The following ARID2 variants were observed in gnomAD, a reference collection of about 807,000 sequenced individuals.
The protein encoded by ARID2 is AT-rich interactive domain-containing protein 2.
In ARID2, 32 loss-of-function variants were observed where a neutral mutation model predicts 184.6. The ratio of observed to expected loss-of-function variants is 0.17; its 90% confidence interval spans 0.13 to 0.23. ARID2 has a LOEUF of 0.23. ARID2 is among the 10% of genes least tolerant of loss of function. The probability of loss-of-function intolerance (pLI) is 1.00; values close to 1 mark genes in which losing one functional copy is unlikely to be tolerated. For missense variants in ARID2, 1,696 were observed against 2,197.6 expected (o/e 0.77, Z 4.56); for synonymous variants, 836 against 772.6 (o/e 1.08, Z -1.36).
chr12:45,836,983 G>T lies in ARID2; in HGVS notation c.1015G>T (p.Ala339Ser), dbSNP rs2138128649. ...QLGLDTLGNI[A>S]AELLLDPVDF... The stretch of plus-strand genomic sequence containing the variant: ...AGGCCTTGACACATTAGGAAATATT[G>T]CAGCTGAGGTAAGCATGTGACTGTA... The change falls in exon 8 of 21, where the codon GCA becomes TCA. Residue 339 changes from alanine to serine, a missense_variant. Transcript: ENST00000334344. 6.2e-7 allele frequency: 1 copy of T among 1,613,452 alleles called. No individual in the cohort carries two copies.
chr12:45,811,202 C>G (rs1229923462), intron 3 of ARID2, among the ~76,000 whole-genome samples: 1 of 146,774 alleles, frequency 6.8e-6, no homozygotes, highest in African/African-American at 2.5e-5. Flanking sequence ...GAGCGAGACT[C>G]TGTCTCAAAA....
chr12:45,811,268 G>A (rs1296597852), intron 3 of ARID2, 150 bp from the exon 4 acceptor site: 19 of 777,300 alleles, frequency 2.4e-5, no homozygotes, highest in African/African-American at 7.1e-5. Context: ...ACTCTAAACT[G>A]GAGTTACTGT....
At position 45,855,092 on chromosome 12, in the gene ARID2, T is replaced by C. The variant is rs566935863; in HGVS notation, c.4773+2196T>C. 9.2e-5 allele frequency among the ~76,000 whole-genome samples: 14 copies of C among 152,330 alleles called. No homozygotes were observed. The East Asian group carries it at 2.1e-3, about 23-fold the overall frequency. On this transcript the variant is annotated intron_variant, in intron 15 of 20. Transcript: ENST00000334344. ...AATCTAACATATTGATTATTTGAGC[T>C]GTTGTGTTAGAGGATGTTCTATTAA...
rs747148743 is a variant in ARID2, at chr12:45,892,111, T to C, written c.5147+15T>C. Reference sequence around the variant, plus strand: ...TCTTCTACCAAGTAAGGAAAATGAGTTTACTTCCTGTTGTACATACAAAAA... The same window carrying C: ...TCTTCTACCAAGTAAGGAAAATGAGCTTACTTCCTGTTGTACATACAAAAA... On this transcript the variant is annotated intron_variant, in intron 18 of 20. Coordinates refer to ENST00000334344, the MANE Select transcript of ARID2 (RefSeq NM_152641.4). 6.2e-7 allele frequency: 1 copy of C among 1,609,560 alleles called. No individual in the cohort carries two copies. Among genetic ancestry groups the C allele is most frequent in the South Asian group, 1.1e-5 (1 of 90,344 alleles).
intron 3 of ARID2, among the ~76,000 whole-genome samples, chr12:45,801,387 A>G (rs1942499811): frequency 6.6e-6 from 1 of 152,202 alleles, no homozygotes; most frequent in Non-Finnish European, 1.5e-5. Flanking sequence ...AATGGATGCT[A>G]AAACTAGCAG....
chr12:45,900,283 A>G (rs1406118169), intron 20 of ARID2, among the ~76,000 whole-genome samples: 1 of 151,982 alleles, frequency 6.6e-6, no homozygotes, highest in Non-Finnish European at 1.5e-5. Flanking sequence ...CTGGTCCTCA[A>G]TTCCTGACCT....
At chr12:45,808,747 GTGTGTGTGTGTGTA>G (rs958753375) in intron 3 of ARID2, among the ~76,000 whole-genome samples, 2 of 151,786 alleles carry the variant, frequency 1.3e-5, no homozygotes, top group Non-Finnish European at 2.9e-5. Context: ...GTGTGTGTGT[GTGTGTGTGTGTGTA>G]TGTGTGTGTG....
chr12:45,798,185 ATAGTT>A (rs1457269066), intron 3 of ARID2, among the ~76,000 whole-genome samples: 2 of 151,108 alleles, frequency 1.3e-5, no homozygotes, highest in Non-Finnish European at 2.9e-5. Context: ...ATCTAAAACA[ATAGTT>A]TATTATTGTT....
intron 16 of ARID2, among the ~76,000 whole-genome samples, chr12:45,880,192 G>T (rs941991114): frequency 1.3e-5 from 2 of 152,134 alleles, no homozygotes; most frequent in Non-Finnish European, 2.9e-5. Flanking sequence ...GCTACAGAAA[G>T]ATGAAAATTA....
In ARID2 at chr12:45,893,435, G is replaced by A. The variant is rs900772083; in HGVS notation, c.5163G>A (p.Gly1721=). ...QKSSTKQPTV[G]GTSSTPRAQK... ...ATCAATTTAGGCAGCCAACTGTAGG[G>A]GGCACAAGCTCAACTCCTAGAGCAC... The change falls in exon 19 of 21, where the codon GGG becomes GGA. Residue 1721 remains glycine (G), a synonymous_variant. Coordinates refer to ENST00000334344, the MANE Select transcript of ARID2 (RefSeq NM_152641.4). 6.2e-7 allele frequency: 1 copy of A among 1,613,296 alleles called. No homozygotes were observed. Among genetic ancestry groups the A allele is most frequent in the African/African-American group, 1.3e-5 (1 of 74,954 alleles).
At chr12:45,778,691 A>T (rs1301119481) in intron 3 of ARID2, among the ~76,000 whole-genome samples, 1 of 151,980 alleles carries the variant, frequency 6.6e-6, no homozygotes, top group Non-Finnish European at 1.5e-5. Context: ...TTAAATTTTT[A>T]AATAAATGAC....
At chr12:45,776,130 C>T (rs1203283031) in intron 3 of ARID2, 1 of 167,820 alleles carries the variant, frequency 6.0e-6, no homozygotes, top group East Asian at 1.9e-4. Context: ...ACTGAGGTTC[C>T]CCAGACCAGC....
intron 6 of ARID2, among the ~76,000 whole-genome samples, chr12:45,834,622 A>T (rs1466680443): frequency 1.3e-5 from 2 of 152,164 alleles, no homozygotes; most frequent in African/African-American, 4.8e-5. Context: ...ACGCACCTAT[A>T]ATCCCAGCTA....
intron 20 of ARID2, among the ~76,000 whole-genome samples, chr12:45,894,844 C>CTTTTT (rs1290410570): frequency 6.6e-6 from 1 of 151,898 alleles, no homozygotes; most frequent in Admixed American, 6.5e-5. Flanking sequence ...CTTCTAACCT[C>CTTTTT]TTTTTTGTTT....
chr12:45,878,289 C>G (rs1944043906), intron 16 of ARID2, among the ~76,000 whole-genome samples: 1 of 152,128 alleles, frequency 6.6e-6, no homozygotes, highest in Admixed American at 6.5e-5. Context: ...AAAATTCTCA[C>G]TTCGTTCTTA....
chr12:45,731,186 C>T (rs755317110), intron 2 of ARID2, 31 bp from the exon 3 acceptor site: 2 of 1,475,436 alleles, frequency 1.4e-6, no homozygotes, highest in African/African-American at 1.4e-5. Context: ...AGATTGTTCA[C>T]GTTCAGACAA....
chr12:45,837,850 T>G (rs1943248954), intron 10 of ARID2, 143 bp downstream of exon 10: 1 of 608,732 alleles, frequency 1.6e-6, no homozygotes, highest in African/African-American at 1.8e-5. Context: ...TTGTTTCCAT[T>G]ATTCTTTATT....
chr12:45,768,492 A>G (rs1365498185), intron 3 of ARID2, among the ~76,000 whole-genome samples: 1 of 152,180 alleles, frequency 6.6e-6, no homozygotes, highest in South Asian at 2.1e-4. Context: ...CCAGCTCCAG[A>G]GATAGAGACT....
chr12:45,886,287 T>A (rs1944188274), intron 16 of ARID2, among the ~76,000 whole-genome samples: 1 of 152,190 alleles, frequency 6.6e-6, no homozygotes, highest in African/African-American at 2.4e-5. Context: ...CTCCTTTGAC[T>A]CCATGTTTCA....
Sources: allele counts gnomAD v4.1 joint callset (sites outside exome capture counted in the v4.1 genomes callset), GRCh38; gene constraint gnomAD v4.1.1; transcripts MANE v1.5; gene names NCBI Gene and HGNC (gene_info 2026-07-23, HGNC 2026-07-21).